The following DGKG variants were observed in gnomAD, a reference collection of about 807,000 sequenced individuals.
The protein encoded by DGKG is diacylglycerol kinase gamma.
DGKG carries 78 observed loss-of-function variants against 105.3 expected under a neutral mutation model. The ratio of observed to expected loss-of-function variants is 0.74; its 90% CI spans 0.62 to 0.89. DGKG has a LOEUF of 0.89. Ranked by LOEUF, DGKG falls within the 40% of genes least tolerant of loss-of-function variation. The probability of loss-of-function intolerance (pLI) is 0.00; values close to 1 mark genes in which losing one functional copy is unlikely to be tolerated. For missense variants in DGKG, 958 were observed against 1,020.1 expected, an observed-to-expected ratio of 0.94 and a Z score of 0.83; for synonymous variants, 346 against 367.1, an observed-to-expected ratio of 0.94 and a Z score of 0.66.
chr3:186,233,636 C>T (rs552351720), intron 20 of DGKG, among the ~76,000 whole-genome samples: 8 of 152,286 alleles, frequency 5.3e-5, no homozygotes, highest in Non-Finnish European at 4.4e-5. Context: ...CCCACCACCA[C>T]GCCTGGCTAA....
chr3:186,213,975 C>A (rs1216611138), intron 20 of DGKG, among the ~76,000 whole-genome samples: 1 of 152,206 alleles, frequency 6.6e-6, no homozygotes, highest in Non-Finnish European at 1.5e-5. Flanking sequence ...GCTGAGCATT[C>A]CTTTTTGGCA....
intron 1 of DGKG, among the ~76,000 whole-genome samples, chr3:186,345,567 G>C (rs1316820055): frequency 6.6e-6 from 1 of 152,136 alleles, no homozygotes; most frequent in Non-Finnish European, 1.5e-5. Flanking sequence ...CTAAATTTAA[G>C]TGTCAGGAAT....
chr3:186,344,781 C>G (rs1385554299), intron 1 of DGKG, among the ~76,000 whole-genome samples: 3 of 152,136 alleles, frequency 2.0e-5, no homozygotes, highest in African/African-American at 7.2e-5. Flanking sequence ...AAATTCATTT[C>G]TAACAGAAAC....
At chr3:186,252,531 C>T (rs563581250) in intron 18 of DGKG, among the ~76,000 whole-genome samples, 11 of 152,178 alleles carry the variant, frequency 7.2e-5, no homozygotes, top group Admixed American at 3.3e-4. Flanking sequence ...AGTTCTCTGC[C>T]CCTTGTCTTA....
At chr3:186,154,128 T>C (rs1433554849) in intron 24 of DGKG, among the ~76,000 whole-genome samples, 1 of 152,008 alleles carries the variant, frequency 6.6e-6, no homozygotes, top group Non-Finnish European at 1.5e-5. Flanking sequence ...AAGAAAAGTG[T>C]CTGAGGTCTG....
At chr3:186,167,840 C>CTG (rs893593117) in intron 22 of DGKG, among the ~76,000 whole-genome samples, 37 of 152,346 alleles carry the variant, frequency 2.4e-4, no homozygotes, top group African/African-American at 8.7e-4. Context: ...GTGCCAGACA[C>CTG]TGTCTTGTAA....
At chr3:186,356,881 G>A (rs531494177) in intron 1 of DGKG, among the ~76,000 whole-genome samples, 3 of 152,124 alleles carry the variant, frequency 2.0e-5, no homozygotes, top group Non-Finnish European at 4.4e-5. Context: ...TAGGTTTTTG[G>A]TTCCCCGCCC....
chr3:186,241,635 G>T (rs146626230), intron 20 of DGKG, among the ~76,000 whole-genome samples: 1 of 152,136 alleles, frequency 6.6e-6, no homozygotes, highest in African/African-American at 2.4e-5. Context: ...CAAAAACAAA[G>T]TCCAAATCAT....
intron 1 of DGKG, among the ~76,000 whole-genome samples, chr3:186,336,680 T>C (rs1213343726): frequency 6.6e-6 from 1 of 152,110 alleles, no homozygotes; most frequent in Non-Finnish European, 1.5e-5. Flanking sequence ...TTTTGGTTGT[T>C]AATATTGTTG....
chr3:186,293,619 C>A (rs1449924447), intron 5 of DGKG, among the ~76,000 whole-genome samples: 7 of 152,204 alleles, frequency 4.6e-5, no homozygotes, highest in African/African-American at 1.7e-4. Flanking sequence ...CCCTGAAAGC[C>A]CTGCTCTTCT....
intron 4 of DGKG, 108 bp downstream of exon 4, chr3:186,297,956 T>TCC (rs1723671382): frequency 1.5e-6 from 2 of 1,336,708 alleles, no homozygotes; most frequent in African/African-American, 2.9e-5. Context: ...GTTCGCACCG[T>TCC]TGGGGCAGTT....
chr3:186,277,839 T>C (rs1722654881), intron 9 of DGKG, among the ~76,000 whole-genome samples: 4 of 152,256 alleles, frequency 2.6e-5, no homozygotes, highest in Admixed American at 2.6e-4. Flanking sequence ...AAATATCTCA[T>C]TCAGTGATTC....
At chr3:186,250,226 G>C (rs1353948118) in intron 19 of DGKG, among the ~76,000 whole-genome samples, 1 of 152,168 alleles carries the variant, frequency 6.6e-6, no homozygotes, top group Non-Finnish European at 1.5e-5. Flanking sequence ...AGAGCACACA[G>C]GTACTCAATA....
intron 19 of DGKG, among the ~76,000 whole-genome samples, chr3:186,245,071 T>C (rs1487070413): frequency 6.6e-6 from 1 of 152,184 alleles, no homozygotes; most frequent in Non-Finnish European, 1.5e-5. Flanking sequence ...CTGGCACAAT[T>C]TGTACTTCGC....
intron 8 of DGKG, 31 bp downstream of exon 8, chr3:186,280,639 C>T (rs975503945): frequency 6.3e-7 from 1 of 1,590,946 alleles, no homozygotes; most frequent in Admixed American, 1.7e-5. Flanking sequence ...GAAGCTCACT[C>T]CAAAGCCACC....
intron 21 of DGKG, among the ~76,000 whole-genome samples, chr3:186,205,908 A>T (rs1478784493): frequency 6.6e-6 from 1 of 152,222 alleles, no homozygotes; most frequent in East Asian, 1.9e-4. Context: ...AAATTAAAAA[A>T]ATCCTCAATT....
At chr3:186,161,151 T>G in intron 24 of DGKG, 1 of 988,630 alleles carries the variant, frequency 1.0e-6, no homozygotes, top group Non-Finnish European at 1.2e-6. Flanking sequence ...GCTCCAGCAG[T>G]CAAAGGCGCT....
At chr3:186,256,315 G>A (rs549847706) in intron 17 of DGKG, among the ~76,000 whole-genome samples, 90 of 152,290 alleles carry the variant, frequency 5.9e-4, no homozygotes, top group Non-Finnish European at 1.2e-3. Flanking sequence ...CCGGAGGCAC[G>A]GCTTTCTCTG....
intron 6 of DGKG, among the ~76,000 whole-genome samples, chr3:186,287,758 T>G (rs1723135235): frequency 6.6e-6 from 1 of 152,246 alleles, no homozygotes; most frequent in Non-Finnish European, 1.5e-5. Flanking sequence ...GATTTTAAGC[T>G]CAGCTAATGA....
Sources: allele counts gnomAD v4.1 joint callset (sites outside exome capture counted in the v4.1 genomes callset), GRCh38; gene constraint gnomAD v4.1.1; transcripts MANE v1.5; gene names NCBI Gene and HGNC (gene_info 2026-07-23, HGNC 2026-07-21).